The following IGF1R variants were observed in gnomAD, a reference collection of about 807,000 sequenced individuals.
IGF1R encodes the protein insulin-like growth factor 1 receptor.
A neutral mutation model predicts 144.6 loss-of-function variants in IGF1R; 44 were observed. The ratio of observed to expected loss-of-function variants is 0.30; its 90% confidence interval spans 0.24 to 0.39. IGF1R has a LOEUF of 0.39. Among genes scored for constraint, IGF1R ranks in the 10% least tolerant of loss-of-function variants. The probability of loss-of-function intolerance (pLI) is 1.00; values close to 1 mark genes in which losing one functional copy is unlikely to be tolerated. For synonymous variants in IGF1R, 795 were observed against 722.8 expected, an observed-to-expected ratio of 1.10 and a Z score of -1.60; for missense variants, 1,355 against 1,833.7, an observed-to-expected ratio of 0.74 and a Z score of 4.77.
intron 1 of IGF1R, among the ~76,000 whole-genome samples, chr15:98,672,900 A>T (rs551784190): frequency 1.3e-5 from 2 of 152,324 alleles, no homozygotes; most frequent in African/African-American, 4.8e-5. Context: ...TCTGGGTGGG[A>T]TTCCTAATGT....
chr15:98,653,466 G>A (rs1474031271), intron 1 of IGF1R, among the ~76,000 whole-genome samples: 1 of 152,162 alleles, frequency 6.6e-6, no homozygotes, highest in East Asian at 1.9e-4. Context: ...ATGCAGTATT[G>A]TTGTTTCTTT....
intron 2 of IGF1R, among the ~76,000 whole-genome samples, chr15:98,723,499 T>G (rs1385910979): frequency 6.6e-6 from 1 of 152,258 alleles, no homozygotes; most frequent in Non-Finnish European, 1.5e-5. Flanking sequence ...TTTCAGCTCC[T>G]GGTACTTAAT....
At chr15:98,819,177 C>T (rs1378297736) in intron 2 of IGF1R, among the ~76,000 whole-genome samples, 2 of 151,534 alleles carry the variant, frequency 1.3e-5, no homozygotes, top group Non-Finnish European at 2.9e-5. Context: ...AGGGGACAGG[C>T]CAGGAATGGA....
intron 9 of IGF1R, 42 bp from the exon 10 acceptor site, chr15:98,916,630 C>T (rs775101704): frequency 1.3e-6 from 2 of 1,540,982 alleles, no homozygotes; most frequent in Non-Finnish European, 1.8e-6. Flanking sequence ...TGTATAACGG[C>T]TTTCATTCCC....
rs17847208 is a variant in IGF1R, at chr15:98,934,981, C to T, written c.3114C>T (p.Ala1038=). Residue 1038 remains alanine (A), a synonymous_variant, in exon 16 of 21, where the codon GCC becomes GCT. Coordinates refer to ENST00000650285, the MANE Select transcript of IGF1R (RefSeq NM_000875.5). ...TRVAIKTVNE[A]ASMRERIEFL... The stretch of plus-strand genomic sequence containing the variant: ...TGGCCATTAAAACAGTGAACGAGGC[C>T]GCAAGCATGCGTGAGAGGATTGAGT... 192 of 1,613,956 alleles carry T rather than the reference C, an allele frequency of 1.2e-4. No individual in the cohort carries two copies. In the East Asian group the frequency reaches 1.9e-3, roughly 16 times the overall value.
intron 19 of IGF1R, 58 bp from the exon 20 acceptor site, chr15:98,948,516 G>GCA: frequency 6.4e-7 from 1 of 1,566,782 alleles, no homozygotes; most frequent in Non-Finnish European, 8.8e-7. Context: ...GAAAGGAGGG[G>GCA]GCAGCATTGT....
At chr15:98,838,038 G>A (rs960508113) in intron 2 of IGF1R, among the ~76,000 whole-genome samples, 4 of 152,108 alleles carry the variant, frequency 2.6e-5, no homozygotes, top group Non-Finnish European at 5.9e-5. Flanking sequence ...AGTCTTTTAG[G>A]TACTGATTTT....
At chr15:98,754,562 A>G (rs891521401) in intron 2 of IGF1R, among the ~76,000 whole-genome samples, 6 of 152,194 alleles carry the variant, frequency 3.9e-5, no homozygotes, top group African/African-American at 2.4e-5. Flanking sequence ...AGGAACACTG[A>G]ACAGGAGTCC....
At chr15:98,690,523 G>A (rs1184380857) in intron 1 of IGF1R, among the ~76,000 whole-genome samples, 1 of 152,198 alleles carries the variant, frequency 6.6e-6, no homozygotes, top group Non-Finnish European at 1.5e-5. Context: ...TTTAAACACA[G>A]ATTTGCAATT....
rs1053681925 is a variant in IGF1R, at chr15:98,648,987, CGGCGGCGGCGGCGCTGAGGGAGGA to C, written c.-584_-561del. ...CCTGGATTTGGGAAGGAGCTCGCCGCGGCGGCGGCGGCGCTGAGGGAGGAGGCGGCGGCGAGCGGAGCCAGGAGG... is the reference window on the plus strand; with the variant it reads ...CCTGGATTTGGGAAGGAGCTCGCCGCGGCGGCGGCGAGCGGAGCCAGGAGG... On this transcript the variant is annotated 5_prime_UTR_variant, in exon 1 of 21. Transcript: ENST00000650285. The C allele has an allele frequency of 4.8e-5, 10 of 209,516 alleles. No individual in the cohort carries two copies. Among genetic ancestry groups the C allele is most frequent in the Non-Finnish European group, 6.7e-5 (7 of 104,438 alleles). The allele number at this position is 209,516 out of a possible 1,614,324, so 13.0% of individuals were successfully genotyped here. A position where few individuals can be genotyped will look rare whatever the true frequency, so the allele number is the denominator to read the frequency against.
At chr15:98,672,937 GTCT>G (rs2052935668) in intron 1 of IGF1R, among the ~76,000 whole-genome samples, 1 of 152,182 alleles carries the variant, frequency 6.6e-6, no homozygotes, top group South Asian at 2.1e-4. Flanking sequence ...AGCTCAGTAA[GTCT>G]TCTTTGGAGA....
intron 2 of IGF1R, among the ~76,000 whole-genome samples, chr15:98,734,238 G>A (rs1289969182): frequency 6.6e-6 from 1 of 152,120 alleles, no homozygotes; most frequent in Non-Finnish European, 1.5e-5. Flanking sequence ...TTCTCGTTTA[G>A]GCATTCTGCT....
intron 2 of IGF1R, among the ~76,000 whole-genome samples, chr15:98,770,786 G>T (rs1272980355): frequency 6.6e-6 from 1 of 152,010 alleles, no homozygotes; most frequent in Non-Finnish European, 1.5e-5. Flanking sequence ...TCTACTTGCC[G>T]GCAGGGATCT....
Position 98,958,973 on chromosome 15 carries a change from G to A in IGF1R, c.*1531G>A, listed in dbSNP as rs968228586. The A allele has an allele frequency of 6.0e-5, 14 of 233,326 alleles. No individual in the cohort carries two copies. Among genetic ancestry groups the A allele is most frequent in the Admixed American group, 3.4e-4 (6 of 17,798 alleles). The allele number at this position is 233,326 out of a possible 1,614,324, so 14.5% of individuals were successfully genotyped here. On this transcript the variant is annotated 3_prime_UTR_variant, in exon 21 of 21. Transcript: ENST00000650285. ...TCTAACCCGTAGGCTCTCTGGGCAC[G>A]AGGCAGAAAGCAGGCCGGGCACCCA...
intron 10 of IGF1R, among the ~76,000 whole-genome samples, chr15:98,921,638 G>A (rs1454531178): frequency 6.6e-6 from 1 of 152,092 alleles, no homozygotes; most frequent in Non-Finnish European, 1.5e-5. Context: ...CTAGACTCCA[G>A]GCATCTTTAT....
intron 2 of IGF1R, among the ~76,000 whole-genome samples, chr15:98,791,775 TTTGTG>T (rs1343765591): frequency 1.3e-5 from 2 of 152,260 alleles, no homozygotes; most frequent in African/African-American, 4.8e-5. Flanking sequence ...ATAATCATTC[TTTGTG>T]TTGCATGGCA....
At chr15:98,669,212 C>T (rs1327605669) in intron 1 of IGF1R, among the ~76,000 whole-genome samples, 1 of 152,178 alleles carries the variant, frequency 6.6e-6, no homozygotes, top group African/African-American at 2.4e-5. Flanking sequence ...TCCTGAGAGC[C>T]TGGTTAGCCC....
At chr15:98,733,563 C>T (rs376316654) in intron 2 of IGF1R, among the ~76,000 whole-genome samples, 30 of 152,108 alleles carry the variant, frequency 2.0e-4, no homozygotes, top group East Asian at 3.9e-4. Flanking sequence ...ATTCCCTCTC[C>T]GAGGAGCCTC....
At chr15:98,921,557 G>T (rs1484844196) in intron 10 of IGF1R, among the ~76,000 whole-genome samples, 1 of 152,212 alleles carries the variant, frequency 6.6e-6, no homozygotes, top group East Asian at 1.9e-4. Flanking sequence ...CAGACGCTTG[G>T]GGTTGGGGGT....
Sources: allele counts gnomAD v4.1 joint callset (sites outside exome capture counted in the v4.1 genomes callset), GRCh38; gene constraint gnomAD v4.1.1; transcripts MANE v1.5; gene names NCBI Gene and HGNC (gene_info 2026-07-23, HGNC 2026-07-21).